Variants in P3H1 observed in about 807,000 individuals in gnomAD.
P3H1 encodes growth suppressor 1.
Under a neutral mutation model 84.0 loss-of-function variants are expected in P3H1, and 69 were observed. The ratio of observed to expected loss-of-function variants is 0.82; its 90% CI spans 0.68 to 1.00. P3H1 has a LOEUF of 1.00. P3H1 is among the 50% of genes least tolerant of loss of function. The pLI is 0.00. For synonymous variants in P3H1, 366 were observed against 388.8 expected (o/e 0.94, Z 0.69); for missense variants, 878 against 962.8 (o/e 0.91, Z 1.17).
intron 1 of P3H1, 73 bp downstream of exon 1, chr1:42,766,434 A>G (rs1439280202): frequency 1.1e-5 from 15 of 1,338,690 alleles, no homozygotes; most frequent in Non-Finnish European, 1.6e-5. Flanking sequence ...CGATCCCCCA[A>G]GCTCCTCAGG....
rs1653033466 is a variant in P3H1, at chr1:42,766,821, AGT to A, written c.149_150del (p.Asp50ValfsTer125). On this transcript the variant is annotated frameshift_variant, in exon 1 of 15. Transcript: ENST00000296388. LOFTEE classifies it high-confidence loss of function. ...TCCATGCTCAGGACCACCCCGGGCCAGTCCCCGCGCGCGTAGGCTGCGGTCCC... is the reference window on the plus strand; with the variant it reads ...TCCATGCTCAGGACCACCCCGGGCCACCCCGCGCGCGTAGGCTGCGGTCCC... ...AEGTAAYARG[D>X]WPGVVLSMER... The A allele has an allele frequency of 6.2e-7, 1 of 1,603,916 alleles. No homozygotes were observed. Among genetic ancestry groups the A allele is most frequent in the Non-Finnish European group, 8.5e-7 (1 of 1,179,686 alleles).
rs1652564139 is a variant in P3H1, at chr1:42,759,191, C to T, written c.808+10G>A. The T allele has an allele frequency of 6.2e-7, 1 of 1,614,030 alleles. No individual in the cohort carries two copies. Among genetic ancestry groups the T allele is most frequent in the Non-Finnish European group, 8.5e-7 (1 of 1,179,982 alleles). Reference sequence around the variant, plus strand: ...GCCTGGCTGAAGGTCTGGCTCTGAACTGCACGCACCTGTGATGGCCTGGAA... The same window carrying T: ...GCCTGGCTGAAGGTCTGGCTCTGAATTGCACGCACCTGTGATGGCCTGGAA... On this transcript the variant is annotated intron_variant, in intron 3 of 14. Coordinates refer to ENST00000296388, the MANE Select transcript of P3H1 (RefSeq NM_022356.4).
rs61100157 is a variant in P3H1 at position 42,757,837 on chromosome 1, G to A, written c.1026C>T (p.Ala342=). The change falls in exon 5 of 15, where the codon GCC becomes GCT. Residue 342 remains alanine, a synonymous_variant. Coordinates refer to ENST00000296388, the MANE Select transcript of P3H1 (RefSeq NM_022356.4). ...PNDEVMNQNL[A]YYAAMLGEEH... ...CTTCTCCAAGCATAGCTGCATAATA[G>A]GCCAAATTTTGGTTCATCACCTCGT... The A allele has an allele frequency of 2.8e-3, 4,484 of 1,614,186 alleles. 114 individuals are homozygous for A. In the African/African-American group the frequency reaches 0.052, roughly 19 times the overall value.
intron 2 of P3H1, chr1:42,759,960 C>T (rs915686841): frequency 6.6e-6 from 1 of 151,398 alleles, no homozygotes; most frequent in South Asian, 2.0e-4. Flanking sequence ...CTTCCCCCCC[C>T]ATTAGTGACA....
intron 1 of P3H1, among the ~76,000 whole-genome samples, chr1:42,763,694 A>G (rs1468720184): frequency 1.1e-4 from 16 of 151,230 alleles, no homozygotes; most frequent in Admixed American, 9.9e-4. Context: ...AAAAAAAAAA[A>G]AAAAAAGAAA....
At position 42,766,951 on chromosome 1, in the gene P3H1, C is replaced by G. The variant is rs1234335679; in HGVS notation, c.21G>C (p.Lys7Asn). MAVRAL[K>N]LLTTLLAVVA... ...CGACAGCCAGCAGTGTGGTCAGCAG[C>G]TTCAACGCGCGTACCGCCATCGCTC... Residue 7 changes from lysine to asparagine, a missense_variant, in exon 1 of 15, where the codon AAG becomes AAC. By Grantham distance (94) the Lys-to-Asn change is moderately conservative. Coordinates refer to ENST00000296388, the MANE Select transcript of P3H1 (RefSeq NM_022356.4). The G allele has an allele frequency of 6.2e-7, 1 of 1,609,032 alleles. No individual in the cohort carries two copies. The highest frequency in any genetic ancestry group is 1.1e-5 in the South Asian group (1 of 91,068).
At chr1:42,753,482 G>C (rs1272530439) in intron 8 of P3H1, among the ~76,000 whole-genome samples, 1 of 152,182 alleles carries the variant, frequency 6.6e-6, no homozygotes, top group Non-Finnish European at 1.5e-5. Flanking sequence ...GTGTGTACCA[G>C]GAACTGTGCC....
intron 1 of P3H1, among the ~76,000 whole-genome samples, chr1:42,763,599 G>A (rs1360570945): frequency 1.3e-5 from 2 of 149,568 alleles, no homozygotes; most frequent in Admixed American, 1.3e-4. Context: ...TTGAACCCGG[G>A]AGGCGGAGGT....
Position 42,747,762 on chromosome 1 carries a change from T to C in P3H1, c.1875A>G (p.Gly625=). 6.2e-7 allele frequency: 1 copy of C among 1,614,174 alleles called. No individual in the cohort carries two copies. The highest frequency in any genetic ancestry group is 1.1e-5 in the South Asian group (1 of 91,078). Residue 625 remains glycine (G), a synonymous_variant, in exon 13 of 15, where the codon GGA becomes GGG. Transcript: ENST00000296388. ...CATCCAGTTCAGTGAAATAAAAGTT[T>C]CCGCCATCGAAGTCCCCATTTAGGT... ...ILYLNGDFDG[G]NFYFTELDAK... is the part of the protein sequence containing the mutation.
rs757498418 is a variant in P3H1, at chr1:42,758,966, G to C, written c.826C>G (p.Leu276Val). The C allele has an allele frequency of 4.8e-5, 77 of 1,614,018 alleles. No individual in the cohort carries two copies. Among genetic ancestry groups the C allele is most frequent in the Non-Finnish European group, 6.3e-5 (74 of 1,180,020 alleles). ...GTGACACAGTTCTGCTTACAGTTGA[G>C]GACCTGGATGTAATGATCTGAAAGG... is the stretch of plus-strand genomic sequence containing the variant. ...QAITDHYIQV[L>V]NCKQNCVTEL... Residue 276 changes from leucine (L) to valine (V), a missense_variant, in exon 4 of 15, where the codon CTC becomes GTC. Transcript: ENST00000296388.
intron 1 of P3H1, among the ~76,000 whole-genome samples, chr1:42,766,012 C>T (rs1652969636): frequency 2.3e-5 from 2 of 87,540 alleles, no homozygotes; most frequent in East Asian, 4.1e-4. Flanking sequence ...GAGGGTCCCC[C>T]CCCCGCCCCC....
intron 9 of P3H1, 70 bp from the exon 10 acceptor site, chr1:42,752,439 T>C (rs1367055150): frequency 3.0e-5 from 48 of 1,609,682 alleles, no homozygotes; most frequent in African/African-American, 5.3e-5. Flanking sequence ...TGGTCAACTG[T>C]GGCCAGGAAG....
intron 13 of P3H1, 94 bp from the exon 14 acceptor site, chr1:42,747,506 G>T (rs1446050615): frequency 2.3e-6 from 3 of 1,314,312 alleles, no homozygotes; most frequent in Non-Finnish European, 3.3e-6. Context: ...CACGACCGAG[G>T]GCAGCTCTTC....
Position 42,759,237 on chromosome 1 carries a change from GGTAGTT to G in P3H1, c.766_771del (p.Asn256_Tyr257del), listed in dbSNP as rs1652568090. On this transcript the variant is annotated inframe_deletion, in exon 3 of 15. Transcript: ENST00000296388. ...TGGAAGAGGTCAGCGTTGTACTCAAGGTAGTTGTAGCCATCGTAGTCATAGGGCCCT... is the reference window on the plus strand; with the variant it reads ...TGGAAGAGGTCAGCGTTGTACTCAAGGTAGCCATCGTAGTCATAGGGCCCT... The G allele has an allele frequency of 6.2e-7, 1 of 1,614,072 alleles. No individual in the cohort carries two copies. The highest frequency in any genetic ancestry group is 8.5e-7 in the Non-Finnish European group (1 of 1,180,048).
intron 1 of P3H1, among the ~76,000 whole-genome samples, chr1:42,765,578 C>A (rs1012704816): frequency 6.6e-6 from 1 of 152,194 alleles, no homozygotes; most frequent in Non-Finnish European, 1.5e-5. Flanking sequence ...TCAAGTCCAG[C>A]GCTCTTCCGA....
chr1:42,747,311 G>T lies in P3H1; in HGVS notation c.2016C>A (p.Ile672=), dbSNP rs779638233. 7.4e-6 allele frequency: 12 copies of T among 1,612,854 alleles called. No homozygotes were observed. Among genetic ancestry groups the T allele is most frequent in the Non-Finnish European group, 1.0e-5 (12 of 1,179,132 alleles). ...GAGGGTCCAGGGTGAACCACAGGGC[G>T]ATGGCACAGCGCTGCCCCCTGGTGA... ...KAVTRGQRCA[I]ALWFTLDPRH... Residue 672 remains isoleucine (I), a synonymous_variant, in exon 14 of 15, where the codon ATC becomes ATA. Transcript: ENST00000296388.
intron 9 of P3H1, 22 bp from the exon 10 acceptor site, chr1:42,752,391 G>A (rs771304653): frequency 6.2e-7 from 1 of 1,612,974 alleles, no homozygotes; most frequent in East Asian, 2.2e-5. Context: ...AAAACACAAG[G>A]TGATGTTAGC....
Position 42,746,847 on chromosome 1 carries a change from C to T in P3H1, c.2061G>A (p.Arg687=), listed in dbSNP as rs1485096010. 1 of 1,613,954 alleles carries T rather than the reference C, an allele frequency of 6.2e-7. No individual in the cohort carries two copies. The highest frequency in any genetic ancestry group is 8.5e-7 in the Non-Finnish European group (1 of 1,179,950). Residue 687 remains arginine (R), a synonymous_variant, in exon 15 of 15, where the codon AGG becomes AGA. Transcript: ENST00000296388. ...TLDPRHSERD[R]VQADDLVKML... ...TCTTCACCAGGTCATCTGCCTGCAC[C>T]CTGTCCTGCAAGGACAAACCCCTGC...
chr1:42,750,838 C>G (rs1209532057), intron 10 of P3H1, among the ~76,000 whole-genome samples: 1 of 145,700 alleles, frequency 6.9e-6, no homozygotes, highest in African/African-American at 2.6e-5. Flanking sequence ...GCCCCCTGCC[C>G]GGCCAGCCGC....
Sources: allele counts gnomAD v4.1 joint callset (sites outside exome capture counted in the v4.1 genomes callset), GRCh38; gene constraint gnomAD v4.1.1; transcripts MANE v1.5; gene names NCBI Gene and HGNC (gene_info 2026-07-23, HGNC 2026-07-21).